The following RSRP1 variants were observed in gnomAD, a reference collection of about 807,000 sequenced individuals.
RSRP1 encodes the protein arginine/serine-rich protein 1.
A neutral mutation model predicts 33.0 loss-of-function variants in RSRP1; 37 were observed. The observed-to-expected ratio is 1.12, with a 90% CI of 0.86 to 1.48. The LOEUF is 1.48. Among genes scored for constraint, RSRP1 ranks in the 40% most tolerant of loss-of-function variants. The pLI, the probability that RSRP1 is intolerant of heterozygous loss-of-function variation, is 0.00. For missense variants in RSRP1, 402 were observed against 385.3 expected (o/e 1.04, Z -0.36); for synonymous variants, 167 against 158.7 (o/e 1.05, Z -0.40).
At chr1:25,248,681 CTT>C (rs1639665365), upstream of RSRP1, among the ~76,000 whole-genome samples, 1 of 152,212 alleles carries the variant, frequency 6.6e-6, no homozygotes, top group African/African-American at 2.4e-5. Context: ...TCACTCATCT[CTT>C]GTTCATCTTC....
At chr1:25,290,497 G>A (rs1642394798) in intron 1 of RSRP1, 1 of 768,300 alleles carries the variant, frequency 1.3e-6, no homozygotes, top group East Asian at 2.6e-5. Flanking sequence ...GCCCAGGTGG[G>A]TAGAAATCTT....
At chr1:25,305,362 TGAGGA>T (rs200488591) in intron 1 of RSRP1, among the ~76,000 whole-genome samples, 1,748 of 113,064 alleles carry the variant, frequency 0.015, 281 homozygotes, top group African/African-American at 0.049. Context: ...CTGGGCTAGT[TGAGGA>T]GTCTGGATAT....
At chr1:25,330,421 T>C (rs1226287383) in intron 1 of RSRP1, 1 of 133,018 alleles carries the variant, frequency 7.5e-6, no homozygotes, top group Non-Finnish European at 1.8e-5. Flanking sequence ...ACTTGAAAAA[T>C]AAAAATGAAC....
At chr1:25,274,296 G>A (rs1640743988) in intron 1 of RSRP1, among the ~76,000 whole-genome samples, 1 of 131,812 alleles carries the variant, frequency 7.6e-6, no homozygotes, top group Admixed American at 7.4e-5. Context: ...TTTAAATTTA[G>A]CCACCCTGGA....
At chr1:25,244,765 A>G (rs1255979704) in intron 3 of RSRP1, 15 of 1,053,038 alleles carry the variant, frequency 1.4e-5, no homozygotes, top group Non-Finnish European at 1.7e-5. Context: ...GCTCACTGCA[A>G]CCTTAGCATC....
chr1:25,315,096 C>T lies in RSRP1; in HGVS notation c.-67+22882G>A, dbSNP rs557919637. 1.9e-4 allele frequency among the ~76,000 whole-genome samples: 24 copies of T among 128,340 alleles called. 5 individuals are homozygous for T. The highest frequency in any genetic ancestry group is 8.3e-3 in the Middle Eastern group (2 of 242). 84.2% of individuals were successfully genotyped at this position (128,340 alleles called of 152,430 possible). On this transcript the variant is annotated intron_variant, in intron 1 of 1. Coordinates refer to the RSRP1 transcript ENST00000561867. ...GCTCTTGCCTGTAGTCTCAGCTACT[C>T]GGGAGGCTGAGATCACGCCACTGCA...
rs1557534515 is a variant in RSRP1 at position 25,295,858 on chromosome 1, T to TTTTTTTG, written c.-67+42119_-67+42120insCAAAAAA. 4.3e-4 allele frequency among the ~76,000 whole-genome samples: 36 copies of TTTTTTTG among 84,194 alleles called. 4 individuals are homozygous for TTTTTTTG. The highest frequency in any genetic ancestry group is 1.2e-3 in the African/African-American group (29 of 25,072). The allele number at this position is 84,194 out of a possible 152,430, so 55.2% of individuals were successfully genotyped here. A position where few individuals can be genotyped will look rare whatever the true frequency, so the allele number is the denominator to read the frequency against. ...GGGAGGGAATATGGGAAATTTTTTT[T>TTTTTTTG]TTTTTTTTTTTTTTTTTTTTTGAGA... On this transcript the variant is annotated intron_variant, in intron 1 of 1. Coordinates refer to the RSRP1 transcript ENST00000561867.
intron 3 of RSRP1, chr1:25,244,389 G>T (rs1409853550): frequency 1.6e-6 from 2 of 1,289,346 alleles, no homozygotes; most frequent in East Asian, 1.1e-4. Flanking sequence ...AAAAAACTAA[G>T]TTTTCAGTGT....
At chr1:25,262,596 G>A (rs1040869834) in intron 1 of RSRP1, among the ~76,000 whole-genome samples, 57 of 152,282 alleles carry the variant, frequency 3.7e-4, no homozygotes, top group African/African-American at 9.4e-4. Flanking sequence ...TGGAGACCCA[G>A]GGATACTGGT....
At chr1:25,312,199 A>G (rs1477597886) in intron 1 of RSRP1, among the ~76,000 whole-genome samples, 1 of 95,824 alleles carries the variant, frequency 1.0e-5, no homozygotes, top group African/African-American at 3.5e-5. Flanking sequence ...GTTGTTTTCT[A>G]TGTTGGGTTT....
Position 25,288,232 on chromosome 1 carries a change from G to C in RSRP1, c.-66-41203C>G, listed in dbSNP as rs1410117936. ...AGGACCTCACTGTGTTGCTCAGGCT[G>C]GTCTCAAACTCCTGGGCTCAAGTGA... On this transcript the variant is annotated intron_variant, in intron 1 of 1. Coordinates refer to the RSRP1 transcript ENST00000561867. 6.2e-5 allele frequency among the ~76,000 whole-genome samples: 8 copies of C among 129,342 alleles called. 2 individuals are homozygous for C. Among genetic ancestry groups the C allele is most frequent in the Non-Finnish European group, 1.5e-4 (8 of 54,494 alleles). 84.9% of individuals were successfully genotyped at this position (129,342 alleles called of 152,430 possible). A position where few individuals can be genotyped will look rare whatever the true frequency, so the allele number is the denominator to read the frequency against.
chr1:25,271,879 C>G lies in RSRP1; in HGVS notation c.-66-24850G>C, dbSNP rs542847987. On this transcript the variant is annotated intron_variant, in intron 1 of 1. Coordinates refer to the RSRP1 transcript ENST00000561867. ...GATCCCCTCCAGGTTTTTACTAGAG[C>G]CAAACCCACATCTCCTTTCTCTTCT... Among the ~76,000 whole-genome samples, 58 of 131,406 alleles carry G rather than the reference C, an allele frequency of 4.4e-4. 3 individuals are homozygous for G. The highest frequency in any genetic ancestry group is 1.5e-3 in the African/African-American group (58 of 38,700). The allele number at this position is 131,406 out of a possible 152,430, so 86.2% of individuals were successfully genotyped here.
chr1:25,244,499 C>G, intron 3 of RSRP1: 1 of 1,289,292 alleles, frequency 7.8e-7, no homozygotes, highest in African/African-American at 1.5e-5. Context: ...TTCATGATTT[C>G]TATAAGACAG....
intron 1 of RSRP1, among the ~76,000 whole-genome samples, chr1:25,252,949 G>A (rs955224422): frequency 4.6e-5 from 7 of 152,208 alleles, no homozygotes; most frequent in African/African-American, 1.7e-4. Flanking sequence ...TTATTGCCTC[G>A]AGGCAGATGA....
upstream of RSRP1, among the ~76,000 whole-genome samples, chr1:25,251,023 T>C (rs1194708558): frequency 2.0e-5 from 3 of 148,596 alleles, no homozygotes; most frequent in African/African-American, 7.5e-5. Context: ...AAAAAAATAA[T>C]TAAAAAAAAA....
chr1:25,301,028 C>T lies in RSRP1; in HGVS notation c.-67+36950G>A, dbSNP rs1643347472. The T allele has an allele frequency of 1.5e-6, 2 of 1,377,628 alleles. No individual in the cohort carries two copies. Among genetic ancestry groups the T allele is most frequent in the African/African-American group, 2.9e-5 (2 of 69,486 alleles). The allele number at this position is 1,377,628 out of a possible 1,614,324, so 85.3% of individuals were successfully genotyped here. ...TCTGTGGCCTGGTGCCTGCCAAAGC[C>T]TCTACCCGAGGGAACGGAGGATAAA... On this transcript the variant is annotated intron_variant, in intron 1 of 1. Coordinates refer to the RSRP1 transcript ENST00000561867.
At chr1:25,276,829 G>A (rs1342282229) in intron 1 of RSRP1, among the ~76,000 whole-genome samples, 1 of 132,824 alleles carries the variant, frequency 7.5e-6, no homozygotes, top group African/African-American at 2.6e-5. Context: ...CACTTTGGGA[G>A]GCCAAAGCAG....
rs748718749 is a variant in RSRP1 at position 25,246,421 on chromosome 1, G to A, written c.520+23C>T. 3 of 1,606,040 alleles carry A rather than the reference G, an allele frequency of 1.9e-6. No homozygotes were observed. In the Admixed American group the frequency reaches 5.0e-5, roughly 27 times the overall value. On this transcript the variant is annotated intron_variant, in intron 2 of 4. Coordinates refer to ENST00000243189, the MANE Select transcript of RSRP1 (RefSeq NM_020317.5). ...ACTGCCACCATACATTACCACAAAT[G>A]GAAAGGTAAATGACCCACCCACCTT...
intron 1 of RSRP1, chr1:25,266,688 T>A (rs1259049762): frequency 7.2e-6 from 1 of 138,120 alleles, no homozygotes; most frequent in Non-Finnish European, 1.7e-5. Flanking sequence ...CCTGTGCGTA[T>A]CTCTTAATGA....
Sources: allele counts gnomAD v4.1 joint callset (sites outside exome capture counted in the v4.1 genomes callset), GRCh38; gene constraint gnomAD v4.1.1; transcripts MANE v1.5; gene names NCBI Gene and HGNC (gene_info 2026-07-23, HGNC 2026-07-21).